NUP188: variants seen among roughly 807,000 people sequenced by gnomAD.
The protein encoded by NUP188 is nucleoporin NUP188.
NUP188 carries 97 observed loss-of-function variants against 223.0 expected under a neutral mutation model. That is an observed-to-expected ratio of 0.43 (90% CI 0.37 to 0.51). The LOEUF is 0.51. Ranked by LOEUF, NUP188 falls within the 20% of genes least tolerant of loss-of-function variation. NUP188 has a pLI of 0.00. For synonymous variants in NUP188, 869 were observed against 828.0 expected, an observed-to-expected ratio of 1.05 and a Z score of -0.85; for missense variants, 1,947 against 2,175.6, an observed-to-expected ratio of 0.89 and a Z score of 2.09.
At chr9:129,003,978 GA>G (rs1223358209) in intron 38 of NUP188, 5,869 of 114,378 alleles carry the variant, frequency 0.051, 48 homozygotes, top group South Asian at 0.098. Context: ...GTCCCAAAAA[GA>G]AAAAAAAAAA....
intron 30 of NUP188, among the ~76,000 whole-genome samples, chr9:128,997,252 G>A (rs1004425646): frequency 6.6e-6 from 1 of 152,138 alleles, no homozygotes; most frequent in African/African-American, 2.4e-5. Flanking sequence ...TCATGAAAGA[G>A]GCAAGCAGGG....
chr9:128,977,885 T>C (rs1842201736), intron 12 of NUP188, among the ~76,000 whole-genome samples: 1 of 152,208 alleles, frequency 6.6e-6, no homozygotes, highest in Admixed American at 6.5e-5. Context: ...CATTTTTGAA[T>C]TTACAGTCTA....
At position 128,970,956 on chromosome 9, in the gene NUP188, G is replaced by T. The variant is rs1321722019; in HGVS notation, c.1111G>T (p.Asp371Tyr). ...LLQSLASGGN[D>Y]CTTSTACMCV... ...CCAGTCCCTTGCCAGTGGGGGAAAT[G>T]ATGTGAGTTTAAGGCTCTGGGTGGT... is the stretch of plus-strand genomic sequence containing the variant. Residue 371 changes from aspartate to tyrosine, a missense_variant and splice_region_variant, in exon 11 of 44, where the codon GAT becomes TAT. Asp to Tyr is a radical substitution (Grantham distance 160). Transcript: ENST00000372577. The T allele has an allele frequency of 6.2e-7, 1 of 1,613,334 alleles. No individual in the cohort carries two copies. The highest frequency in any genetic ancestry group is 8.5e-7 in the Non-Finnish European group (1 of 1,179,394).
chr9:128,977,849 C>T (rs1479108814), intron 12 of NUP188, among the ~76,000 whole-genome samples: 1 of 152,084 alleles, frequency 6.6e-6, no homozygotes. Context: ...TTTAGCTGAG[C>T]CTAGTAATAA....
intron 24 of NUP188, among the ~76,000 whole-genome samples, 158 bp downstream of exon 24, chr9:128,988,344 G>A (rs1842367814): frequency 6.6e-6 from 1 of 152,172 alleles, no homozygotes; most frequent in South Asian, 2.1e-4. Context: ...CCTGAAATTG[G>A]AAACAAAAGG....
At chr9:128,957,699 C>G (rs540580634) in intron 5 of NUP188, among the ~76,000 whole-genome samples, 1 of 152,018 alleles carries the variant, frequency 6.6e-6, no homozygotes, top group Non-Finnish European at 1.5e-5. Flanking sequence ...CTCCTGACCT[C>G]GTGATCCCCC....
rs755490430 is a variant in NUP188 at position 128,949,211 on chromosome 9, A to G, written c.55A>G (p.Ile19Val). 6.2e-6 allele frequency: 10 copies of G among 1,613,274 alleles called. No homozygotes were observed. The East Asian group carries it at 6.7e-5, about 11-fold the overall frequency. Residue 19 changes from isoleucine (I) to valine (V), a missense_variant, in exon 2 of 44, where the codon ATT (isoleucine) becomes GTT (valine). Physicochemically the swap from Ile to Val is conservative, Grantham distance 29. Transcript: ENST00000372577. Reference sequence around the variant, plus strand: ...CAGGAGCAGTAGAGAACTGTGGACTATTCTGCTTGGAAGGTCAGCTCTGAG... The same window carrying G: ...CAGGAGCAGTAGAGAACTGTGGACTGTTCTGCTTGGAAGGTCAGCTCTGAG... The part of the protein sequence containing the change: ...CVRSSRELWT[I>V]LLGRSALREL...
intron 8 of NUP188, among the ~76,000 whole-genome samples, chr9:128,962,778 A>G (rs1047144001): frequency 2.0e-5 from 3 of 152,218 alleles, no homozygotes; most frequent in African/African-American, 4.8e-5. Context: ...AAATTGATAT[A>G]CTTTTTAATG....
chr9:128,961,667 G>A (rs1841957142), intron 8 of NUP188, among the ~76,000 whole-genome samples: 1 of 149,906 alleles, frequency 6.7e-6, no homozygotes, highest in Non-Finnish European at 1.5e-5. Context: ...TGTTGCCCAG[G>A]CTGGAGTTCG....
chr9:128,992,212 T>C (rs371008904), intron 25 of NUP188, among the ~76,000 whole-genome samples: 1 of 151,952 alleles, frequency 6.6e-6, no homozygotes, highest in East Asian at 1.9e-4. Context: ...GGTACTGTTT[T>C]TGTTTTGAGA....
chr9:129,003,563 G>A, intron 38 of NUP188, 109 bp downstream of exon 38: 1 of 1,329,134 alleles, frequency 7.5e-7, no homozygotes, highest in Non-Finnish European at 1.1e-6. Flanking sequence ...TCCTGAACGG[G>A]GGCTTTTCCC....
Position 128,994,530 on chromosome 9 carries a change from C to A in NUP188, c.3087+88C>A, listed in dbSNP as rs568751678. 33 of 867,460 alleles carry A rather than the reference C, an allele frequency of 3.8e-5. No individual in the cohort carries two copies. The South Asian group carries it at 4.1e-4, about 11-fold the overall frequency. 53.7% of individuals were successfully genotyped at this position (867,460 alleles called of 1,614,324 possible). A position where few individuals can be genotyped will look rare whatever the true frequency, so the allele number is the denominator to read the frequency against. On this transcript the variant is annotated intron_variant, in intron 28 of 43. Transcript: ENST00000372577. ...TGAGATGGGGCCGTAGACAATGATACCTCCCCTAATTAAACAACAGAATGT... is the reference window on the plus strand; with the variant it reads ...TGAGATGGGGCCGTAGACAATGATAACTCCCCTAATTAAACAACAGAATGT...
chr9:128,949,754 G>T, intron 2 of NUP188, among the ~76,000 whole-genome samples: 1 of 151,590 alleles, frequency 6.6e-6, no homozygotes, highest in Admixed American at 6.6e-5. Flanking sequence ...ACAGCCTCCC[G>T]AGTAGCTGAG....
chr9:128,987,086 AGAGTGT>A (rs1382959747), intron 22 of NUP188, among the ~76,000 whole-genome samples: 2,751 of 128,178 alleles, frequency 0.021, 38 homozygotes, highest in Middle Eastern at 0.094. Flanking sequence ...AGAGAGAGAG[AGAGTGT>A]GTGTGTGTGT....
At chr9:128,990,043 C>A in intron 24 of NUP188, 77 bp from the exon 25 acceptor site, 1 of 1,141,130 alleles carries the variant, frequency 8.8e-7, no homozygotes, top group Non-Finnish European at 1.3e-6. Flanking sequence ...CACTGTGGGT[C>A]TTTTTTGAAC....
intron 23 of NUP188, 112 bp downstream of exon 23, chr9:128,987,829 C>T (rs1183761899): frequency 7.1e-7 from 1 of 1,414,072 alleles, no homozygotes; most frequent in Non-Finnish European, 9.7e-7. Context: ...CATTGTTCTT[C>T]CTAGGACATA....
chr9:128,976,601 G>A (rs1842177317), intron 12 of NUP188, among the ~76,000 whole-genome samples: 1 of 151,956 alleles, frequency 6.6e-6, no homozygotes. Context: ...AACCCGGGGG[G>A]CGGAGGTTGC....
In NUP188 at chr9:128,947,703, C is replaced by T. The variant is rs1490878983; in HGVS notation, c.-17C>T. The T allele has an allele frequency of 8.9e-6, 13 of 1,464,304 alleles. No homozygotes were observed. The highest frequency in any genetic ancestry group is 1.1e-5 in the Non-Finnish European group (12 of 1,111,034). 90.7% of individuals were successfully genotyped at this position (1,464,304 alleles called of 1,614,324 possible). A position where few individuals can be genotyped will look rare whatever the true frequency, so the allele number is the denominator to read the frequency against. On this transcript the variant is annotated 5_prime_UTR_variant, in exon 1 of 44. Transcript: ENST00000372577. Reference sequence around the variant, plus strand: ...ATGGCGTCTGGGGGCGGGGTTAGGGCGAGCGGGCGCGCGAAGATGGCGGCG... The same window carrying T: ...ATGGCGTCTGGGGGCGGGGTTAGGGTGAGCGGGCGCGCGAAGATGGCGGCG...
At chr9:128,960,912 T>C (rs10123283) in intron 8 of NUP188, among the ~76,000 whole-genome samples, 59,136 of 151,556 alleles carry the variant, frequency 0.39, 11,733 homozygotes, top group Admixed American at 0.43. Context: ...TGGTGAAACC[T>C]CGTCTCTACT....
Sources: gnomAD v4.1 joint callset for allele counts (sites outside exome capture counted in the v4.1 genomes callset) on GRCh38, gnomAD v4.1.1 for gene constraint, MANE v1.5 for transcripts, NCBI Gene and HGNC (gene_info 2026-07-23, HGNC 2026-07-21) for gene names.